The following LYN variants were observed in gnomAD, a reference collection of about 807,000 sequenced individuals.
The protein encoded by LYN is LYN proto-oncogene, Src family tyrosine kinase, also known as tyrosine-protein kinase Lyn.
LYN carries 12 observed loss-of-function variants against 65.0 expected under a neutral mutation model. That is an observed-to-expected ratio of 0.18 (90% CI 0.12 to 0.30). The LOEUF is 0.30. LYN is among the 10% of genes least tolerant of loss of function. The probability of loss-of-function intolerance (pLI) is 1.00; values close to 1 mark genes in which losing one functional copy is unlikely to be tolerated. For missense variants in LYN, 380 were observed against 623.2 expected (o/e 0.61, Z 4.16); for synonymous variants, 222 against 221.2 (o/e 1.00, Z -0.03).
At chr8:55,953,179 G>A (rs559184143) in intron 7 of LYN, among the ~76,000 whole-genome samples, 3 of 152,234 alleles carry the variant, frequency 2.0e-5, no homozygotes, top group South Asian at 4.1e-4. Context: ...TGACATGACC[G>A]AGTCCCCACT....
chr8:55,939,532 TG>T (rs147149362), intron 1 of LYN, among the ~76,000 whole-genome samples: 20 of 146,082 alleles, frequency 1.4e-4, no homozygotes, highest in Admixed American at 4.8e-4. Flanking sequence ...AGGAACGCAG[TG>T]GGGGGGGGAC....
Position 56,007,909 on chromosome 8 carries a change from A to G in LYN, c.1337-1999A>G, listed in dbSNP as rs780402905. Among the ~76,000 whole-genome samples the G allele has an allele frequency of 7.6e-4, 115 of 152,100 alleles. 1 individual carries two copies. The highest frequency in any genetic ancestry group is 2.5e-4 in the Non-Finnish European group (17 of 68,024). On this transcript the variant is annotated intron_variant, in intron 12 of 12. Transcript: ENST00000519728. ...CGAGACAGGCAGACGACTTCAGGTC[A>G]GGAGTTTGAGACCAGCCTGGCCAAC...
At chr8:55,998,760 A>G (rs73679620) in intron 11 of LYN, among the ~76,000 whole-genome samples, 1,566 of 152,384 alleles carry the variant, frequency 0.01, 19 homozygotes, top group African/African-American at 0.032. Flanking sequence ...AAACACAAAT[A>G]GATTCAGCAA....
At chr8:55,953,772 G>A (rs1807021671) in intron 7 of LYN, 60 bp from the exon 8 acceptor site, 8 of 1,541,824 alleles carry the variant, frequency 5.2e-6, no homozygotes, top group Non-Finnish European at 6.2e-6. Context: ...TTTCTTTATA[G>A]ACACAGGTAA....
At chr8:56,004,735 A>G (rs1808628416) in intron 12 of LYN, among the ~76,000 whole-genome samples, 1 of 152,008 alleles carries the variant, frequency 6.6e-6, no homozygotes, top group African/African-American at 2.4e-5. Flanking sequence ...TCTCTTAATT[A>G]AGTTTTTTCC....
chr8:55,945,331 C>A (rs1806741371), intron 2 of LYN, among the ~76,000 whole-genome samples: 1 of 152,172 alleles, frequency 6.6e-6, no homozygotes, highest in Admixed American at 6.5e-5. Flanking sequence ...CTCTAAATCA[C>A]ATAAAATAGA....
chr8:55,921,944 T>C (rs1805958363), intron 1 of LYN, among the ~76,000 whole-genome samples: 1 of 152,184 alleles, frequency 6.6e-6, no homozygotes, highest in Non-Finnish European at 1.5e-5. Context: ...TGTGCAAAAC[T>C]GACAGGAATC....
intron 1 of LYN, among the ~76,000 whole-genome samples, chr8:55,881,588 G>A (rs966485743): frequency 4.6e-5 from 7 of 152,200 alleles, no homozygotes; most frequent in African/African-American, 1.4e-4. Flanking sequence ...GGCCTCTTTG[G>A]ATGTAAATGT....
chr8:55,892,892 A>AC (rs962620768), intron 1 of LYN, among the ~76,000 whole-genome samples: 7 of 151,944 alleles, frequency 4.6e-5, no homozygotes, highest in Admixed American at 3.3e-4. Flanking sequence ...TTGTGTAACC[A>AC]CCCCCATGAT....
intron 1 of LYN, chr8:55,895,869 C>T (rs554827810): frequency 7.2e-5 from 11 of 152,114 alleles, no homozygotes; most frequent in African/African-American, 1.9e-4. Context: ...TGTACTACCC[C>T]GAGCCTTTTC....
chr8:55,913,199 C>G (rs925745304), intron 1 of LYN, among the ~76,000 whole-genome samples: 2 of 152,066 alleles, frequency 1.3e-5, no homozygotes, highest in Non-Finnish European at 2.9e-5. Flanking sequence ...AATCTTTTAG[C>G]AAAAAGATTT....
chr8:55,981,154 C>T (rs961220675), intron 10 of LYN, among the ~76,000 whole-genome samples: 7 of 152,166 alleles, frequency 4.6e-5, no homozygotes, highest in African/African-American at 7.2e-5. Context: ...TTCCTGGAAG[C>T]GCTCACCCTT....
At chr8:56,000,657 A>G in intron 12 of LYN, among the ~76,000 whole-genome samples, 1 of 144,664 alleles carries the variant, frequency 6.9e-6, no homozygotes, top group East Asian at 2.0e-4. Flanking sequence ...CAACCTGGGA[A>G]GCACAGGTTG....
At chr8:55,915,122 T>G (rs6984608) in intron 1 of LYN, among the ~76,000 whole-genome samples, 4,183 of 152,296 alleles carry the variant, frequency 0.027, 113 homozygotes, top group African/African-American at 0.07. Context: ...TATTATCTGC[T>G]CTTTCTTTTG....
chr8:55,911,285 ATT>A lies in LYN; in HGVS notation c.-5-30555_-5-30554del, dbSNP rs1209633804. Among the ~76,000 whole-genome samples the A allele has an allele frequency of 5.6e-3, 156 of 27,734 alleles. 7 individuals are homozygous for A. Among genetic ancestry groups the A allele is most frequent in the Admixed American group, 0.02 (32 of 1,568 alleles). 18.2% of individuals were successfully genotyped at this position (27,734 alleles called of 152,430 possible). ...TATATATATATATATATATATATAT[ATT>A]TTTTTTTTTTTTTTAGTAGAGACAG... is the stretch of plus-strand genomic sequence containing the variant. On this transcript the variant is annotated intron_variant, in intron 1 of 12. Transcript: ENST00000519728.
At chr8:55,920,880 A>G (rs1805929706) in intron 1 of LYN, among the ~76,000 whole-genome samples, 1 of 151,646 alleles carries the variant, frequency 6.6e-6, no homozygotes, top group East Asian at 1.9e-4. Context: ...TATTTTTAGT[A>G]GAGACAGGGT....
chr8:55,934,656 C>T (rs766917926), intron 1 of LYN, among the ~76,000 whole-genome samples: 3 of 152,220 alleles, frequency 2.0e-5, no homozygotes, highest in Non-Finnish European at 2.9e-5. Context: ...CAGTGCTCAA[C>T]CCTGCATGAG....
chr8:55,912,640 T>C (rs1805669152), intron 1 of LYN, among the ~76,000 whole-genome samples: 1 of 151,434 alleles, frequency 6.6e-6, no homozygotes, highest in African/African-American at 2.4e-5. Context: ...GGCAGGAGAC[T>C]CTCTTGAACC....
At chr8:56,007,701 G>A (rs1184368389) in intron 12 of LYN, among the ~76,000 whole-genome samples, 1 of 152,230 alleles carries the variant, frequency 6.6e-6, no homozygotes, top group African/African-American at 2.4e-5. Flanking sequence ...ATAAGCCATT[G>A]TGGGAAATAC....
Sources: allele counts gnomAD v4.1 joint callset (sites outside exome capture counted in the v4.1 genomes callset), GRCh38; gene constraint gnomAD v4.1.1; transcripts MANE v1.5; gene names NCBI Gene and HGNC (gene_info 2026-07-23, HGNC 2026-07-21).